The following ZNF335 variants were observed in gnomAD, a reference collection of about 807,000 sequenced individuals.
ZNF335 encodes the protein NRC-interacting factor 1.
In ZNF335, 84 loss-of-function variants were observed where a neutral mutation model predicts 145.6. The observed-to-expected ratio is 0.58, with a 90% confidence interval of 0.48 to 0.69. The LOEUF is 0.69. ZNF335 is among the 30% of genes least tolerant of loss of function. The probability of loss-of-function intolerance (pLI) is 0.00; values close to 1 mark genes in which losing one functional copy is unlikely to be tolerated. For missense variants in ZNF335, 1,865 were observed against 1,809.7 expected, an observed-to-expected ratio of 1.03 and a Z score of -0.55; for synonymous variants, 761 against 717.0, an observed-to-expected ratio of 1.06 and a Z score of -0.98.
intron 15 of ZNF335, among the ~76,000 whole-genome samples, chr20:45,958,494 G>A (rs2083769060): frequency 6.6e-6 from 1 of 152,234 alleles, no homozygotes; most frequent in African/African-American, 2.4e-5. Flanking sequence ...CAGGGCCTGT[G>A]ATCTACCAGC....
At position 45,959,217 on chromosome 20, in the gene ZNF335, G is replaced by C. The variant is rs368272915; in HGVS notation, c.2237C>G (p.Ser746Cys). 2 of 1,376,494 alleles carry C rather than the reference G, an allele frequency of 1.5e-6. No individual in the cohort carries two copies. Among genetic ancestry groups the C allele is most frequent in the Admixed American group, 2.8e-5 (1 of 35,476 alleles). The allele number at this position is 1,376,494 out of a possible 1,614,324, so 85.3% of individuals were successfully genotyped here. Residue 746 changes from serine to cysteine, a missense_variant, in exon 15 of 28, where the codon TCC becomes TGC. Physicochemically the swap from Ser to Cys is moderately radical, Grantham distance 112. Coordinates refer to ENST00000322927, the MANE Select transcript of ZNF335 (RefSeq NM_022095.4). ...CGACCTTACCTCAGGAGGTCCTGGGGAACTGGGAGGTGGTCCAGGGGCCGC... is the reference window on the plus strand; with the variant it reads ...CGACCTTACCTCAGGAGGTCCTGGGCAACTGGGAGGTGGTCCAGGGGCCGC... ...HSAAPGPPPS[S>C]PGPPEIPPEA...
chr20:45,952,207 C>T lies in ZNF335; in HGVS notation c.3129G>A (p.Gly1043=). The T allele has an allele frequency of 1.9e-6, 3 of 1,612,780 alleles. No homozygotes were observed. The highest frequency in any genetic ancestry group is 2.5e-6 in the Non-Finnish European group (3 of 1,179,838). ...AGTCGGGGCACTTGAAGGCACCAGG[C>T]CCAGCGTGGGCCCGCTTGTGACTCT... ...EMESHKRAHA[G]PGAFKCPDCP... is the part of the protein sequence containing the mutation. Residue 1043 remains glycine, a synonymous_variant, in exon 20 of 28, where the codon GGG becomes GGA. Transcript: ENST00000322927.
Position 45,953,942 on chromosome 20 carries a change from C to G in ZNF335, c.2449G>C (p.Val817Leu). The G allele has an allele frequency of 6.3e-7, 1 of 1,590,188 alleles. No homozygotes were observed. Among genetic ancestry groups the G allele is most frequent in the Non-Finnish European group, 8.6e-7 (1 of 1,167,074 alleles). ...GCTTCCACATCTTCCGACTTCACCA[C>G]AGCCACCTGCAACGGCACCAGGGGG... ...ELGGTALQVA[V>L]VKSEDVEAGL... Residue 817 changes from valine (V) to leucine (L), a missense_variant, in exon 18 of 28, where the codon GTG (valine) becomes CTG (leucine). Val to Leu is a conservative substitution (Grantham distance 32). Transcript: ENST00000322927.
At chr20:45,959,076 C>G in intron 15 of ZNF335, 125 bp downstream of exon 15, 2 of 780,334 alleles carry the variant, frequency 2.6e-6, no homozygotes, top group Non-Finnish European at 1.8e-6. Context: ...ATATGTGTGA[C>G]TCAGTGAGTT....
intron 9 of ZNF335, 106 bp downstream of exon 9, chr20:45,963,367 G>T: frequency 7.7e-7 from 1 of 1,303,110 alleles, no homozygotes; most frequent in Non-Finnish European, 1.1e-6. Context: ...GCAGGAGAGC[G>T]TGACCCAGAA....
Position 45,949,386 on chromosome 20 carries a change from G to T in ZNF335, c.3766C>A (p.Gln1256Lys), listed in dbSNP as rs2083585281. Residue 1256 changes from glutamine to lysine, a missense_variant, in exon 26 of 28, where the codon CAG (glutamine) becomes AAG (lysine). Transcript: ENST00000322927. Reference protein sequence around the residue: ...EGHHIQVQEGQITHIQYEQGA... With the variant: ...EGHHIQVQEGKITHIQYEQGA... The stretch of plus-strand genomic sequence containing the variant: ...TGTTCATACTGGATGTGTGTGATCT[G>T]GCCCTCCTGTACCTGCAGAGAGGAA... The T allele has an allele frequency of 1.2e-6, 2 of 1,614,004 alleles. No homozygotes were observed. Among genetic ancestry groups the T allele is most frequent in the South Asian group, 2.2e-5 (2 of 91,088 alleles).
At chr20:45,969,872 G>C in intron 2 of ZNF335, 181 bp from the exon 3 acceptor site, 1 of 720,680 alleles carries the variant, frequency 1.4e-6, no homozygotes, top group Non-Finnish European at 2.1e-6. Context: ...GAGTCCCCCA[G>C]GAAAAAGTCA....
At chr20:45,951,747 T>C (rs1450482331) in intron 20 of ZNF335, among the ~76,000 whole-genome samples, 4 of 152,196 alleles carry the variant, frequency 2.6e-5, no homozygotes, top group Non-Finnish European at 5.9e-5. Flanking sequence ...ACTACCAGTC[T>C]ATGGCCCAGG....
intron 14 of ZNF335, 79 bp from the exon 15 acceptor site, chr20:45,959,512 G>T: frequency 9.0e-7 from 1 of 1,115,598 alleles, no homozygotes; most frequent in East Asian, 3.1e-5. Context: ...TTGACCCTAA[G>T]GATCTCTCCA....
Position 45,960,854 on chromosome 20 carries a change from C to T in ZNF335, c.1665+10G>A. ...CAGGTTCCCTTCCCAGGCCAGCACG[C>T]CAGACTCACCGGATCTGGCCTCTTC... is the stretch of plus-strand genomic sequence containing the variant. On this transcript the variant is annotated intron_variant, in intron 11 of 27. Transcript: ENST00000322927. 2 of 1,613,960 alleles carry T rather than the reference C, an allele frequency of 1.2e-6. No individual in the cohort carries two copies. The highest frequency in any genetic ancestry group is 2.2e-5 in the South Asian group (2 of 91,050).
chr20:45,967,931 CATGTGG>C lies in ZNF335; in HGVS notation c.611_616del (p.Ser204_Thr205del), dbSNP rs764594359. ...GCTGGGCCCACCCTGTGCCTCCAGG[CATGTGG>C]ATGTGGATGTGGGGCCATCTGCCAG... On this transcript the variant is annotated inframe_deletion, in exon 5 of 28. Coordinates refer to ENST00000322927, the MANE Select transcript of ZNF335 (RefSeq NM_022095.4). 31 of 1,612,850 alleles carry C rather than the reference CATGTGG, an allele frequency of 1.9e-5. No individual in the cohort carries two copies. The highest frequency in any genetic ancestry group is 2.6e-5 in the Non-Finnish European group (31 of 1,179,926).
In ZNF335 at chr20:45,950,475, C is replaced by T; in HGVS notation, c.3310G>A (p.Ala1104Thr). The T allele has an allele frequency of 1.2e-6, 2 of 1,614,246 alleles. No homozygotes were observed. The highest frequency in any genetic ancestry group is 1.7e-6 in the Non-Finnish European group (2 of 1,180,056). The change falls in exon 21 of 28, where the codon GCA becomes ACA. Residue 1104 changes from alanine to threonine, a missense_variant. Coordinates refer to ENST00000322927, the MANE Select transcript of ZNF335 (RefSeq NM_022095.4). ...CACCGCTGCCCGCAGAGGTGGCATG[C>T]AAAAGGCTTCTCCTTTGTGTGAGTC... ...MLTHTKEKPF[A>T]CHLCGQRFNR...
In ZNF335 at chr20:45,962,257, CCA is replaced by C. The variant is rs879100085; in HGVS notation, c.1534-77_1534-76del. 199 of 1,205,990 alleles carry C rather than the reference CCA, an allele frequency of 1.7e-4. 2 individuals carry two copies. The South Asian group carries it at 2.0e-3, about 12-fold the overall frequency. The allele number at this position is 1,205,990 out of a possible 1,614,324, so 74.7% of individuals were successfully genotyped here. On this transcript the variant is annotated intron_variant, in intron 9 of 27. Transcript: ENST00000322927. ...ATCCCCGTCCCCACCATGCCTGTGGCCACAGTCTTAGGGTTGCTGCGGGAGCA... is the reference window on the plus strand; with the variant it reads ...ATCCCCGTCCCCACCATGCCTGTGGCCAGTCTTAGGGTTGCTGCGGGAGCA...
intron 7 of ZNF335, among the ~76,000 whole-genome samples, chr20:45,964,721 G>C (rs969992747): frequency 6.6e-6 from 1 of 152,244 alleles, no homozygotes; most frequent in Non-Finnish European, 1.5e-5. Flanking sequence ...TCGGTAAAAA[G>C]GCCTTTTTGA....
intron 1 of ZNF335, 106 bp from the exon 2 acceptor site, chr20:45,971,566 T>C (rs1047944940): frequency 2.1e-6 from 3 of 1,454,898 alleles, no homozygotes; most frequent in Non-Finnish European, 2.7e-6. Context: ...GATGCGAAGA[T>C]TGAGTCTCCG....
rs924711110 is a variant in ZNF335 at position 45,971,434 on chromosome 20, C to T, written c.-24G>A. ...ATCTGATCGGCGGGCTGCCTGACAG[C>T]GGGGCGTAGGGTCTGGGAACTTCAC... On this transcript the variant is annotated 5_prime_UTR_variant, in exon 2 of 28. Transcript: ENST00000322927. 1.3e-6 allele frequency: 2 copies of T among 1,597,414 alleles called. No individual in the cohort carries two copies. Among genetic ancestry groups the T allele is most frequent in the Non-Finnish European group, 1.7e-6 (2 of 1,179,052 alleles).
At chr20:45,971,188 C>T (rs778916735) in intron 2 of ZNF335, 22 bp downstream of exon 2, 2 of 1,502,034 alleles carry the variant, frequency 1.3e-6, no homozygotes, top group Admixed American at 2.2e-5. Flanking sequence ...CCTCCACCCA[C>T]GCCGTCCAGC....
rs748891893 is a variant in ZNF335, at chr20:45,956,235, C to CT, written c.2442+1350dup. Among the ~76,000 whole-genome samples the CT allele has an allele frequency of 1.9e-3, 267 of 143,060 alleles. 1 individual carries two copies. Among genetic ancestry groups the CT allele is most frequent in the African/African-American group, 4.5e-3 (178 of 39,220 alleles). 93.9% of individuals were successfully genotyped at this position (143,060 alleles called of 152,430 possible). On this transcript the variant is annotated intron_variant, in intron 17 of 27. Transcript: ENST00000322927. ...CTAATGTTCATTTTTTTCTTTTTTT[C>CT]TTTTTTTTTTTTTAGATGGAGTTTT...
At chr20:45,966,551 C>CTTTT (rs34666532) in intron 6 of ZNF335, among the ~76,000 whole-genome samples, 1 of 140,558 alleles carries the variant, frequency 7.1e-6, no homozygotes, top group Non-Finnish European at 1.5e-5. Flanking sequence ...CTTTTTCTTT[C>CTTTT]TTTTTTTTTT....
Sources: gnomAD v4.1 joint callset for allele counts (sites outside exome capture counted in the v4.1 genomes callset) on GRCh38, gnomAD v4.1.1 for gene constraint, MANE v1.5 for transcripts, NCBI Gene and HGNC (gene_info 2026-07-23, HGNC 2026-07-21) for gene names.